Variants in CLSTN2 observed in about 807,000 individuals in gnomAD.
The protein encoded by CLSTN2 is calsyntenin-2.
A neutral mutation model predicts 101.2 loss-of-function variants in CLSTN2; 48 were observed. That is an observed-to-expected ratio of 0.47 (90% CI 0.38 to 0.60). The LOEUF (loss-of-function observed/expected upper bound fraction) is 0.60. Among genes scored for constraint, CLSTN2 ranks in the 20% least tolerant of loss-of-function variants. CLSTN2 has a pLI of 0.00. For synonymous variants in CLSTN2, 481 were observed against 463.6 expected, an observed-to-expected ratio of 1.04 and a Z score of -0.48; for missense variants, 1,160 against 1,238.2, an observed-to-expected ratio of 0.94 and a Z score of 0.95.
chr3:140,188,850 C>T (rs1411294014), intron 2 of CLSTN2, among the ~76,000 whole-genome samples: 5 of 152,046 alleles, frequency 3.3e-5, no homozygotes, highest in Non-Finnish European at 7.4e-5. Context: ...ACCAAAATAT[C>T]GATATTACTA....
intron 2 of CLSTN2, among the ~76,000 whole-genome samples, chr3:140,322,904 A>C (rs2087297380): frequency 6.6e-6 from 1 of 152,254 alleles, no homozygotes; most frequent in African/African-American, 2.4e-5. Context: ...ACATTATCTG[A>C]ATTAAAATCT....
At chr3:140,162,244 GC>G (rs2010057871) in intron 1 of CLSTN2, among the ~76,000 whole-genome samples, 1 of 152,144 alleles carries the variant, frequency 6.6e-6, no homozygotes. Context: ...AGGGTTCCTG[GC>G]CATATTTTGA....
chr3:140,556,529 C>T lies in CLSTN2; in HGVS notation c.1691C>T (p.Ser564Leu), dbSNP rs370226511. The part of the protein sequence containing the change: ...GQGIKYHFNP[S>L]QSILVMEGDD... Reference sequence around the variant, plus strand: ...GTCTTCCAGTATCACTTCAACCCCTCGCAGTCCATCCTGGTGATGGAAGGT... The same window carrying T: ...GTCTTCCAGTATCACTTCAACCCCTTGCAGTCCATCCTGGTGATGGAAGGT... Residue 564 changes from serine (S) to leucine (L), a missense_variant, in exon 11 of 17, where the codon TCG becomes TTG. Physicochemically the swap from Ser to Leu is moderately radical, Grantham distance 145. Transcript: ENST00000458420. 23 of 1,614,054 alleles carry T rather than the reference C, an allele frequency of 1.4e-5. No individual in the cohort carries two copies. Among genetic ancestry groups the T allele is most frequent in the South Asian group, 3.3e-5 (3 of 91,074 alleles).
intron 8 of CLSTN2, among the ~76,000 whole-genome samples, chr3:140,528,636 C>CAAAAAAAAAAA (rs3057900): frequency 3.4e-5 from 5 of 148,980 alleles, no homozygotes; most frequent in East Asian, 2.0e-4. Context: ...GTGCCTCTGA[C>CAAAAAAAAAAA]AAAAAAAAGA....
At chr3:139,984,286 G>T (rs1268208280) in intron 1 of CLSTN2, among the ~76,000 whole-genome samples, 1 of 152,178 alleles carries the variant, frequency 6.6e-6, no homozygotes, top group African/African-American at 2.4e-5. Context: ...GGAGGCTGCA[G>T]GTGGTCAGTA....
At position 140,243,057 on chromosome 3, in the gene CLSTN2, C is replaced by T. The variant is rs116909971; in HGVS notation, c.232+66984C>T. ...CATAGCACATTTCTTCTTTCCTAAA[C>T]CTTGGAAGCATATGATTACTAATTA... On this transcript the variant is annotated intron_variant, in intron 2 of 16. Coordinates refer to ENST00000458420, the MANE Select transcript of CLSTN2 (RefSeq NM_022131.3). Among the ~76,000 whole-genome samples the T allele has an allele frequency of 2.3e-4, 35 of 152,332 alleles. 2 individuals are homozygous for T. The East Asian group carries it at 6.7e-3, about 29-fold the overall frequency.
intron 1 of CLSTN2, among the ~76,000 whole-genome samples, chr3:140,043,416 G>A (rs2007801931): frequency 6.6e-6 from 1 of 152,112 alleles, no homozygotes; most frequent in African/African-American, 2.4e-5. Flanking sequence ...TGTAGATTCT[G>A]GATATTAGCC....
intron 2 of CLSTN2, among the ~76,000 whole-genome samples, chr3:140,376,339 C>T (rs2087916699): frequency 6.6e-6 from 1 of 152,188 alleles, no homozygotes. Flanking sequence ...CAAGGCTGCC[C>T]CTTCTAGGCT....
At chr3:140,480,929 G>A (rs372467963) in intron 8 of CLSTN2, among the ~76,000 whole-genome samples, 15,186 of 152,112 alleles carry the variant, frequency 0.1, 836 homozygotes, top group Middle Eastern at 0.15. Flanking sequence ...TTCTTTTGCT[G>A]TGCAGAAGCT....
Position 140,570,918 on chromosome 3 carries a change from G to A in CLSTN2, c.*4665G>A, listed in dbSNP as rs1048307362. The A allele has an allele frequency of 6.6e-5, 10 of 152,222 alleles. No individual in the cohort carries two copies. Among genetic ancestry groups the A allele is most frequent in the East Asian group, 3.9e-4 (2 of 5,182 alleles). 9.4% of individuals were successfully genotyped at this position (152,222 alleles called of 1,614,324 possible). A position where few individuals can be genotyped will look rare whatever the true frequency, so the allele number is the denominator to read the frequency against. ...TCTTTGCCTCCAAACTGAACAACAG[G>A]AAAAAGTGCCATAGTTTTTAATTAA... On this transcript the variant is annotated 3_prime_UTR_variant, in exon 17 of 17. Coordinates refer to ENST00000458420, the MANE Select transcript of CLSTN2 (RefSeq NM_022131.3).
chr3:140,097,615 C>T (rs1217018198), intron 1 of CLSTN2, among the ~76,000 whole-genome samples: 2 of 152,102 alleles, frequency 1.3e-5, no homozygotes, highest in Non-Finnish European at 1.5e-5. Flanking sequence ...CATGTGCTTT[C>T]GAATTTTAGA....
intron 1 of CLSTN2, among the ~76,000 whole-genome samples, chr3:140,061,866 T>C (rs1346276697): frequency 1.3e-5 from 2 of 152,220 alleles, no homozygotes; most frequent in African/African-American, 2.4e-5. Flanking sequence ...AGCTAAAAGG[T>C]CAATTCTTCT....
intron 6 of CLSTN2, chr3:140,452,363 G>T (rs1173872136): frequency 6.6e-6 from 1 of 152,134 alleles, no homozygotes; most frequent in East Asian, 1.9e-4. Context: ...CACTAGGATG[G>T]TCTCTCTCCC....
intron 2 of CLSTN2, among the ~76,000 whole-genome samples, chr3:140,402,467 TGAA>T (rs1322654430): frequency 1.3e-5 from 2 of 152,238 alleles, no homozygotes; most frequent in Non-Finnish European, 2.9e-5. Context: ...GAAGTTCAAA[TGAA>T]GTTCTCTGGG....
At chr3:140,284,758 G>T (rs1478538854) in intron 2 of CLSTN2, among the ~76,000 whole-genome samples, 3 of 152,070 alleles carry the variant, frequency 2.0e-5, no homozygotes, top group African/African-American at 7.2e-5. Flanking sequence ...GCCTGCATTT[G>T]CTGGGTTGGC....
chr3:140,097,659 G>C (rs1448848500), intron 1 of CLSTN2, among the ~76,000 whole-genome samples: 1 of 152,162 alleles, frequency 6.6e-6, no homozygotes, highest in African/African-American at 2.4e-5. Context: ...GAGAGCCCAC[G>C]TATTACCTCC....
intron 2 of CLSTN2, among the ~76,000 whole-genome samples, chr3:140,371,678 C>A (rs1179949539): frequency 1.3e-5 from 2 of 152,190 alleles, no homozygotes; most frequent in Non-Finnish European, 2.9e-5. Flanking sequence ...TGAGAGACTG[C>A]AAGTCAGGGA....
At chr3:140,166,488 G>C (rs1240652806) in intron 1 of CLSTN2, among the ~76,000 whole-genome samples, 1 of 152,208 alleles carries the variant, frequency 6.6e-6, no homozygotes, top group African/African-American at 2.4e-5. Flanking sequence ...TAAAGATCCA[G>C]GGTTGTCCAG....
intron 4 of CLSTN2, among the ~76,000 whole-genome samples, chr3:140,408,964 A>C (rs563804909): frequency 1.3e-5 from 2 of 152,132 alleles, no homozygotes; most frequent in Non-Finnish European, 2.9e-5. Context: ...GCAAGCCCCA[A>C]CTTTTGTCCC....
Sources: allele counts gnomAD v4.1 joint callset (sites outside exome capture counted in the v4.1 genomes callset), GRCh38; gene constraint gnomAD v4.1.1; transcripts MANE v1.5; gene names NCBI Gene and HGNC (gene_info 2026-07-23, HGNC 2026-07-21).